Variants in ZNF536 observed in about 807,000 individuals in gnomAD.
ZNF536 encodes zinc finger protein 536.
Under a neutral mutation model 84.5 loss-of-function variants are expected in ZNF536, and 13 were observed. The ratio of observed to expected loss-of-function variants is 0.15; its 90% CI spans 0.10 to 0.24. The LOEUF (loss-of-function observed/expected upper bound fraction) is 0.24, where lower values mean the gene tolerates loss of function less well. Among genes scored for constraint, ZNF536 ranks in the 10% least tolerant of loss-of-function variants. The probability of loss-of-function intolerance (pLI) is 1.00; values close to 1 mark genes in which losing one functional copy is unlikely to be tolerated. For synonymous variants in ZNF536, 811 were observed against 742.5 expected (o/e 1.09, Z -1.50); for missense variants, 1,536 against 1,747.5 (o/e 0.88, Z 2.16).
rs550334725 is a variant in ZNF536 at position 30,422,627 on chromosome 19, A to G, written c.-2-20934A>G. Among the ~76,000 whole-genome samples, 26 of 152,210 alleles carry G rather than the reference A, an allele frequency of 1.7e-4. No individual in the cohort carries two copies. The East Asian group carries it at 4.8e-3, about 28-fold the overall frequency. On this transcript the variant is annotated intron_variant, in intron 1 of 4. Transcript: ENST00000355537. ...GGCTTATCTCCACAGTTCTCATAAC[A>G]CCTAGCACATAGAAGGCATCATTTG...
chr19:30,455,173 T>G (rs1188150393), intron 2 of ZNF536, among the ~76,000 whole-genome samples: 1 of 152,252 alleles, frequency 6.6e-6, no homozygotes, highest in Non-Finnish European at 1.5e-5. Flanking sequence ...AAGTAATTCT[T>G]GTTCATCTTG....
At chr19:30,685,097 G>A (rs2051122458) in intron 1 of ZNF536, among the ~76,000 whole-genome samples, 1 of 152,102 alleles carries the variant, frequency 6.6e-6, no homozygotes, top group African/African-American at 2.4e-5. Context: ...TTATCCTTTT[G>A]GATAACTTTG....
intron 1 of ZNF536, among the ~76,000 whole-genome samples, chr19:30,594,917 G>A (rs370610682): frequency 5.7e-4 from 86 of 152,180 alleles, no homozygotes; most frequent in East Asian, 5.0e-3. Flanking sequence ...CAGCTGCCCC[G>A]AAGGCCAACC....
chr19:30,231,058 T>C (rs2023003044), intron 1 of ZNF536, among the ~76,000 whole-genome samples: 1 of 152,200 alleles, frequency 6.6e-6, no homozygotes, highest in South Asian at 2.1e-4. Flanking sequence ...CAATTATAGC[T>C]TTTTAACATC....
chr19:30,662,107 G>A (rs1199313460), intron 1 of ZNF536, among the ~76,000 whole-genome samples: 1 of 152,178 alleles, frequency 6.6e-6, no homozygotes, highest in Admixed American at 6.5e-5. Flanking sequence ...TCCCTCCGAT[G>A]CCATCTCCTG....
At chr19:30,240,936 G>GAGATTT (rs1245308137) in intron 1 of ZNF536, among the ~76,000 whole-genome samples, 1 of 152,202 alleles carries the variant, frequency 6.6e-6, no homozygotes, top group Non-Finnish European at 1.5e-5. Context: ...GGAACTGTTT[G>GAGATTT]GGGTCCTGGG....
chr19:30,242,065 G>A (rs964909126), intron 1 of ZNF536, among the ~76,000 whole-genome samples: 1 of 152,130 alleles, frequency 6.6e-6, no homozygotes, highest in African/African-American at 2.4e-5. Context: ...CGCCTGTTGA[G>A]GGGTAATTCC....
intron 1 of ZNF536, among the ~76,000 whole-genome samples, chr19:30,643,772 TG>T (rs1261375880): frequency 6.6e-6 from 1 of 152,174 alleles, no homozygotes; most frequent in East Asian, 1.9e-4. Context: ...GGAGTTGCGT[TG>T]GGGGGTGGTG....
At chr19:30,393,261 C>G in intron 1 of ZNF536, among the ~76,000 whole-genome samples, 1 of 152,086 alleles carries the variant, frequency 6.6e-6, no homozygotes, top group East Asian at 1.9e-4. Context: ...TGAGAACTAC[C>G]AGGATACATA....
chr19:30,239,083 G>A (rs991565866), intron 1 of ZNF536, among the ~76,000 whole-genome samples: 1 of 152,178 alleles, frequency 6.6e-6, no homozygotes, highest in Non-Finnish European at 1.5e-5. Flanking sequence ...CCTCACCAGA[G>A]GGTATCCCAA....
At chr19:30,314,361 G>T (rs898504829) in intron 2 of ZNF536, among the ~76,000 whole-genome samples, 1 of 152,124 alleles carries the variant, frequency 6.6e-6, no homozygotes, top group African/African-American at 2.4e-5. Flanking sequence ...CCCTGGTTCC[G>T]AGACTCTGCC....
At chr19:30,690,881 T>C (rs576812886) in intron 1 of ZNF536, among the ~76,000 whole-genome samples, 1 of 152,194 alleles carries the variant, frequency 6.6e-6, no homozygotes, top group Non-Finnish European at 1.5e-5. Flanking sequence ...GCAAACAACA[T>C]GATTTTTGTT....
chr19:30,316,097 G>T (rs140132168), intron 2 of ZNF536, among the ~76,000 whole-genome samples: 3 of 152,088 alleles, frequency 2.0e-5, no homozygotes, highest in Admixed American at 1.3e-4. Flanking sequence ...ACTGTATCAC[G>T]GTAAACAAGT....
intron 1 of ZNF536, among the ~76,000 whole-genome samples, chr19:30,245,642 A>G (rs1381822977): frequency 6.6e-6 from 1 of 152,196 alleles, no homozygotes. Context: ...GCCGTGATGG[A>G]AGTGCAGAAA....
rs745829931 is a variant in ZNF536 at position 30,444,280 on chromosome 19, C to G, written c.718C>G (p.Leu240Val). ...AQQAPLAACT[L>V]ALQANHSVPD... ...GCAGGCCCCGCTGGCCGCCTGCACC[C>G]TGGCCCTGCAGGCTAACCACAGCGT... The change falls in exon 2 of 5, where the codon CTG becomes GTG. Residue 240 changes from leucine to valine, a missense_variant. Leu to Val is a conservative substitution (Grantham distance 32). This residue lies in a region of ZNF536 where 138 missense variants were observed against 136.8 expected (regional missense o/e 1.01). Coordinates refer to ENST00000355537, the MANE Select transcript of ZNF536 (RefSeq NM_014717.3). 1 of 1,567,576 alleles carries G rather than the reference C, an allele frequency of 6.4e-7. No individual in the cohort carries two copies.
intron 2 of ZNF536, among the ~76,000 whole-genome samples, chr19:30,349,140 A>G (rs1423818430): frequency 1.3e-5 from 2 of 152,198 alleles, no homozygotes; most frequent in African/African-American, 2.4e-5. Flanking sequence ...CTTTTGGTTT[A>G]GTGAGATGAT....
chr19:30,359,130 T>A (rs1407469098), intron 3 of ZNF536, among the ~76,000 whole-genome samples: 1 of 152,188 alleles, frequency 6.6e-6, no homozygotes, highest in Non-Finnish European at 1.5e-5. Flanking sequence ...AAAAAAGGAA[T>A]CCAGTTCTTT....
intron 1 of ZNF536, among the ~76,000 whole-genome samples, chr19:30,674,076 C>T (rs1342419914): frequency 6.6e-6 from 1 of 152,180 alleles, no homozygotes; most frequent in Non-Finnish European, 1.5e-5. Context: ...TTTGGTGGAA[C>T]TGATGTGAAA....
intron 1 of ZNF536, among the ~76,000 whole-genome samples, chr19:30,382,331 C>T (rs1281178207): frequency 6.6e-6 from 1 of 152,182 alleles, no homozygotes; most frequent in African/African-American, 2.4e-5. Context: ...GATGAAGTTT[C>T]GGCAACTGCA....
Sources: allele counts gnomAD v4.1 joint callset (sites outside exome capture counted in the v4.1 genomes callset), GRCh38; gene constraint gnomAD v4.1.1; regional missense constraint gnomAD v4.1.1; transcripts MANE v1.5; gene names NCBI Gene and HGNC (gene_info 2026-07-23, HGNC 2026-07-21).